Variants in MDGA2 observed in about 807,000 individuals in gnomAD.
MDGA2 encodes the protein MAM domain containing glycosylphosphatidylinositol anchor 2, also known as MAM domain-containing glycosylphosphatidylinositol anchor protein 2.
A neutral mutation model predicts 117.8 loss-of-function variants in MDGA2; 40 were observed. The ratio of observed to expected loss-of-function variants is 0.34; its 90% confidence interval spans 0.26 to 0.44. The LOEUF is 0.44. Ranked by LOEUF, MDGA2 falls within the 20% of genes least tolerant of loss-of-function variation. The probability of loss-of-function intolerance (pLI) is 1.00; values close to 1 mark genes in which losing one functional copy is unlikely to be tolerated. For synonymous variants in MDGA2, 452 were observed against 439.0 expected (o/e 1.03, Z -0.37); for missense variants, 1,123 against 1,250.6 (o/e 0.90, Z 1.54).
intron 10 of MDGA2, among the ~76,000 whole-genome samples, chr14:46,903,780 G>T (rs1368299577): frequency 6.6e-6 from 1 of 152,006 alleles, no homozygotes; most frequent in African/African-American, 2.4e-5. Context: ...CTCGGTTTGT[G>T]CCTTTGCCCA....
chr14:47,583,721 G>A (rs1896270865), intron 1 of MDGA2, among the ~76,000 whole-genome samples: 1 of 151,676 alleles, frequency 6.6e-6, no homozygotes, highest in Non-Finnish European at 1.5e-5. Context: ...TCTTCAGGCT[G>A]GAATCTGGTC....
chr14:47,312,057 G>A (rs1219407697), intron 1 of MDGA2, among the ~76,000 whole-genome samples: 1 of 152,132 alleles, frequency 6.6e-6, no homozygotes, highest in Non-Finnish European at 1.5e-5. Flanking sequence ...ACCATACAAT[G>A]TGAAACATAA....
intron 1 of MDGA2, among the ~76,000 whole-genome samples, chr14:47,593,059 T>C (rs1427823978): frequency 6.6e-6 from 1 of 150,998 alleles, no homozygotes; most frequent in South Asian, 2.1e-4. Flanking sequence ...AATCCATTAA[T>C]AGTGGGCAAA....
chr14:47,515,739 C>A (rs767926447), intron 1 of MDGA2, among the ~76,000 whole-genome samples: 3 of 152,082 alleles, frequency 2.0e-5, no homozygotes, highest in Non-Finnish European at 4.4e-5. Context: ...AAAGGCCCAA[C>A]TTTGAAGGAC....
At chr14:47,001,563 A>G (rs1887530560) in intron 8 of MDGA2, among the ~76,000 whole-genome samples, 1 of 152,138 alleles carries the variant, frequency 6.6e-6, no homozygotes, top group South Asian at 2.1e-4. Flanking sequence ...TTCAAATAAG[A>G]AAGGAACTAA....
chr14:47,154,401 T>C (rs1322756416), intron 3 of MDGA2, among the ~76,000 whole-genome samples: 1 of 152,186 alleles, frequency 6.6e-6, no homozygotes, highest in Non-Finnish European at 1.5e-5. Context: ...CAGGCAGGAT[T>C]CCTGCCCCCT....
rs577490131 is a variant in MDGA2, at chr14:46,938,997, G to A, written c.2089+18377C>T. 1.5e-4 allele frequency among the ~76,000 whole-genome samples: 23 copies of A among 152,286 alleles called. No homozygotes were observed. The Middle Eastern group carries it at 0.01, about 68-fold the overall frequency. On this transcript the variant is annotated intron_variant, in intron 9 of 16. Coordinates refer to ENST00000399232, the MANE Select transcript of MDGA2 (RefSeq NM_001113498.3). ...AAGCCTGGAGGGCATTATGTTAAGC[G>A]AAATAAGCAAGGAGCAGGAAGTTGA...
At chr14:47,543,833 G>A (rs994485553) in intron 1 of MDGA2, among the ~76,000 whole-genome samples, 11 of 152,320 alleles carry the variant, frequency 7.2e-5, no homozygotes, top group African/African-American at 2.6e-4. Flanking sequence ...AGTCCAGTGA[G>A]CTTTCTAAGT....
chr14:47,126,893 A>C (rs144208557), intron 5 of MDGA2, among the ~76,000 whole-genome samples: 123 of 152,150 alleles, frequency 8.1e-4, no homozygotes, highest in African/African-American at 2.9e-3. Context: ...CCATCTTTAC[A>C]TCCTGTATCA....
At position 47,599,039 on chromosome 14, in the gene MDGA2, C is replaced by T. The variant is rs377531831; in HGVS notation, c.280+75478G>A. On this transcript the variant is annotated intron_variant, in intron 1 of 16. Coordinates refer to ENST00000399232, the MANE Select transcript of MDGA2 (RefSeq NM_001113498.3). ...GTGTCTGAGTTCAAATTACGAATCT[C>T]GTGTGCTACAACCACCATATGTCAT... is the stretch of plus-strand genomic sequence containing the variant. 4.6e-5 allele frequency among the ~76,000 whole-genome samples: 7 copies of T among 152,050 alleles called. No homozygotes were observed. The East Asian group carries it at 5.8e-4, about 13-fold the overall frequency.
chr14:47,537,308 G>A (rs193128673), intron 1 of MDGA2, among the ~76,000 whole-genome samples: 1,404 of 119,664 alleles, frequency 0.012, 12 homozygotes, highest in Non-Finnish European at 0.016. Context: ...GCCTGTTGTC[G>A]GGTGGGGGGA....
At chr14:47,004,348 T>C (rs185700820) in intron 8 of MDGA2, among the ~76,000 whole-genome samples, 1 of 152,028 alleles carries the variant, frequency 6.6e-6, no homozygotes, top group East Asian at 1.9e-4. Flanking sequence ...CTTTCTCAGC[T>C]AAATTGCCTT....
At chr14:47,046,127 C>A (rs1042216000) in intron 7 of MDGA2, among the ~76,000 whole-genome samples, 5 of 150,820 alleles carry the variant, frequency 3.3e-5, no homozygotes, top group African/African-American at 4.9e-5. Flanking sequence ...ACATTGTGCA[C>A]ATGTACCCTA....
At chr14:47,248,063 T>C (rs1280018578) in intron 2 of MDGA2, among the ~76,000 whole-genome samples, 1 of 151,692 alleles carries the variant, frequency 6.6e-6, no homozygotes, top group Non-Finnish European at 1.5e-5. Flanking sequence ...GCATTTGGAT[T>C]GGTTCCAAGT....
chr14:47,183,092 T>C (rs1884775198), intron 3 of MDGA2, among the ~76,000 whole-genome samples: 1 of 152,182 alleles, frequency 6.6e-6, no homozygotes, highest in South Asian at 2.1e-4. Context: ...TATGTATACA[T>C]GTTCAAAATT....
At chr14:47,050,533 A>G (rs1032668169) in intron 7 of MDGA2, among the ~76,000 whole-genome samples, 9 of 152,052 alleles carry the variant, frequency 5.9e-5, no homozygotes, top group Non-Finnish European at 1.2e-4. Context: ...CTGAAATAAG[A>G]GTTGAAAAAA....
At chr14:47,078,202 G>T (rs1890566897) in intron 6 of MDGA2, among the ~76,000 whole-genome samples, 1 of 151,898 alleles carries the variant, frequency 6.6e-6, no homozygotes, top group Non-Finnish European at 1.5e-5. Context: ...TAGAGACTGG[G>T]GATCTAGATT....
chr14:47,535,754 T>A (rs1298669190), intron 1 of MDGA2, among the ~76,000 whole-genome samples: 1 of 152,204 alleles, frequency 6.6e-6, no homozygotes, highest in African/African-American at 2.4e-5. Flanking sequence ...AGTACAATAG[T>A]TCTAAAGGCA....
At chr14:47,200,543 T>A in intron 3 of MDGA2, 1 of 578,592 alleles carries the variant, frequency 1.7e-6, no homozygotes. Context: ...TCTTTTTTTT[T>A]TTTTTTGAGG....
Sources: gnomAD v4.1 joint callset for allele counts (sites outside exome capture counted in the v4.1 genomes callset) on GRCh38, gnomAD v4.1.1 for gene constraint, MANE v1.5 for transcripts, NCBI Gene and HGNC (gene_info 2026-07-23, HGNC 2026-07-21) for gene names.